Variants in PIBF1 observed in about 807,000 individuals in gnomAD.
PIBF1 encodes the protein progesterone-induced-blocking factor 1.
PIBF1 carries 90 observed loss-of-function variants against 112.5 expected under a neutral mutation model. The ratio of observed to expected loss-of-function variants is 0.80; its 90% CI spans 0.67 to 0.95. The LOEUF is 0.95. PIBF1 is among the 40% of genes least tolerant of loss of function. PIBF1 has a pLI of 0.00. For missense variants in PIBF1, 915 were observed against 852.3 expected, an observed-to-expected ratio of 1.07 and a Z score of -0.92; for synonymous variants, 301 against 288.6, an observed-to-expected ratio of 1.04 and a Z score of -0.44.
At chr13:72,895,080 C>T (rs571911579) in intron 11 of PIBF1, among the ~76,000 whole-genome samples, 1 of 151,878 alleles carries the variant, frequency 6.6e-6, no homozygotes, top group African/African-American at 2.4e-5. Context: ...GCTGAGATCA[C>T]ATCACTGCAC....
chr13:72,979,888 C>A (rs1037683837), intron 16 of PIBF1, among the ~76,000 whole-genome samples: 9 of 152,040 alleles, frequency 5.9e-5, no homozygotes, highest in Admixed American at 5.9e-4. Context: ...TGCCACTGCA[C>A]TGCAGCCTTG....
At chr13:72,944,456 A>AG (rs971059498) in intron 14 of PIBF1, among the ~76,000 whole-genome samples, 3 of 151,666 alleles carry the variant, frequency 2.0e-5, no homozygotes, top group African/African-American at 7.3e-5. Flanking sequence ...TAAAAAAAAA[A>AG]AAAGAAGAAA....
intron 5 of PIBF1, among the ~76,000 whole-genome samples, chr13:72,812,738 T>A (rs1004104361): frequency 6.6e-6 from 1 of 151,220 alleles, no homozygotes; most frequent in Non-Finnish European, 1.5e-5. Context: ...GAGCCAAGAT[T>A]GTGTCCAGCC....
chr13:72,904,544 G>T (rs771633526), intron 11 of PIBF1, among the ~76,000 whole-genome samples: 2 of 140,354 alleles, frequency 1.4e-5, no homozygotes, highest in Non-Finnish European at 3.0e-5. Flanking sequence ...AGGTTCAAGC[G>T]ATTCTTGTGC....
At chr13:72,840,081 A>T (rs915670797) in intron 9 of PIBF1, among the ~76,000 whole-genome samples, 1 of 152,208 alleles carries the variant, frequency 6.6e-6, no homozygotes, top group South Asian at 2.1e-4. Flanking sequence ...TGAATTTCAC[A>T]GGACACCTAA....
intron 9 of PIBF1, among the ~76,000 whole-genome samples, chr13:72,846,263 C>A (rs532495914): frequency 6.6e-6 from 1 of 152,302 alleles, no homozygotes; most frequent in South Asian, 2.1e-4. Flanking sequence ...CTTGCCCAGA[C>A]CAAAAACCTG....
intron 11 of PIBF1, among the ~76,000 whole-genome samples, chr13:72,896,522 G>T (rs1319687553): frequency 6.6e-6 from 1 of 152,120 alleles, no homozygotes; most frequent in African/African-American, 2.4e-5. Context: ...CCAGAGAAAG[G>T]TGAAGCCCAG....
intron 14 of PIBF1, among the ~76,000 whole-genome samples, chr13:72,952,799 G>A (rs890473325): frequency 2.0e-5 from 3 of 150,956 alleles, no homozygotes; most frequent in African/African-American, 7.3e-5. Context: ...TGATGTGCTG[G>A]ATTTGTGAGC....
chr13:72,902,584 G>A (rs977068020), intron 11 of PIBF1, among the ~76,000 whole-genome samples: 2 of 152,002 alleles, frequency 1.3e-5, no homozygotes, highest in African/African-American at 4.8e-5. Flanking sequence ...TTACTTAAAG[G>A]AATTTTATCT....
chr13:72,950,838 T>G (rs1408100698), intron 14 of PIBF1, among the ~76,000 whole-genome samples: 1 of 152,140 alleles, frequency 6.6e-6, no homozygotes, highest in African/African-American at 2.4e-5. Flanking sequence ...TATATACTCA[T>G]TTAGAACCTA....
intron 2 of PIBF1, among the ~76,000 whole-genome samples, chr13:72,790,193 A>C (rs1170775326): frequency 6.6e-6 from 1 of 152,102 alleles, no homozygotes; most frequent in Non-Finnish European, 1.5e-5. Context: ...ACATGTCCTG[A>C]TTTCTGTATT....
Position 72,857,856 on chromosome 13 carries a change from A to G in PIBF1, c.1322+3701A>G, listed in dbSNP as rs527492704. Among the ~76,000 whole-genome samples the G allele has an allele frequency of 1.4e-4, 21 of 152,306 alleles. 1 individual carries two copies. The East Asian group carries it at 3.5e-3, about 25-fold the overall frequency. ...ACTCTGTCTCAAAACAAAAACAAAA[A>G]CAAAAACAAACTATGCCTGTTTTCC... On this transcript the variant is annotated intron_variant, in intron 10 of 17. Transcript: ENST00000326291.
intron 11 of PIBF1, among the ~76,000 whole-genome samples, chr13:72,897,966 A>T (rs1486368473): frequency 6.6e-6 from 1 of 152,240 alleles, no homozygotes; most frequent in Non-Finnish European, 1.5e-5. Flanking sequence ...AATGGACTTA[A>T]CAGATGTAAA....
intron 11 of PIBF1, among the ~76,000 whole-genome samples, chr13:72,900,344 G>A (rs1185979825): frequency 6.6e-6 from 1 of 152,106 alleles, no homozygotes; most frequent in Non-Finnish European, 1.5e-5. Context: ...ACTACCTGAT[G>A]TCAAACTATA....
chr13:72,826,871 T>TTA (rs2138153813), intron 6 of PIBF1, 139 bp from the exon 7 acceptor site: 1 of 458,542 alleles, frequency 2.2e-6, no homozygotes, highest in East Asian at 3.4e-5. Context: ...AGTAGGTACT[T>TTA]TATAGTTCAT....
chr13:72,958,453 T>C (rs2042513597), intron 14 of PIBF1, among the ~76,000 whole-genome samples: 1 of 152,174 alleles, frequency 6.6e-6, no homozygotes, highest in Admixed American at 6.5e-5. Flanking sequence ...TCATGAATTT[T>C]CCTTACTTGG....
chr13:73,012,571 A>G (rs1423722046), intron 17 of PIBF1, among the ~76,000 whole-genome samples: 1 of 139,352 alleles, frequency 7.2e-6, no homozygotes, highest in Non-Finnish European at 1.6e-5. Flanking sequence ...ACACACACAC[A>G]CACCAAAAAA....
chr13:72,938,706 A>C (rs189086752), intron 14 of PIBF1, among the ~76,000 whole-genome samples: 40 of 152,342 alleles, frequency 2.6e-4, no homozygotes, highest in Non-Finnish European at 4.7e-4. Context: ...ATTCAAGATG[A>C]AATGGTAATT....
At chr13:72,931,345 C>A in intron 14 of PIBF1, 78 bp downstream of exon 14, 1 of 950,114 alleles carries the variant, frequency 1.1e-6, no homozygotes, top group Non-Finnish European at 1.6e-6. Flanking sequence ...TTTTTCTAAG[C>A]AGTTTTAAAA....
Sources: gnomAD v4.1 joint callset for allele counts (sites outside exome capture counted in the v4.1 genomes callset) on GRCh38, gnomAD v4.1.1 for gene constraint, MANE v1.5 for transcripts, NCBI Gene and HGNC (gene_info 2026-07-23, HGNC 2026-07-21) for gene names.